AKT3: variants seen among roughly 807,000 people sequenced by gnomAD.
AKT3 encodes the protein AKT serine/threonine kinase 3, also known as RAC-gamma serine/threonine-protein kinase.
A neutral mutation model predicts 65.3 loss-of-function variants in AKT3; 15 were observed. The observed-to-expected ratio is 0.23, with a 90% CI of 0.15 to 0.35. AKT3 has a LOEUF of 0.35. Ranked by LOEUF, AKT3 falls within the 10% of genes least tolerant of loss-of-function variation. The pLI is 1.00. For missense variants in AKT3, 243 were observed against 576.5 expected (o/e 0.42, Z 5.92); for synonymous variants, 206 against 183.8 (o/e 1.12, Z -0.98).
chr1:243,622,820 A>C (rs1317313636), intron 6 of AKT3, among the ~76,000 whole-genome samples: 1 of 152,252 alleles, frequency 6.6e-6, no homozygotes, highest in East Asian at 1.9e-4. Context: ...ATATGAAAGA[A>C]GAGAACAAAG....
intron 2 of AKT3, among the ~76,000 whole-genome samples, chr1:243,707,860 C>A (rs1685902399): frequency 6.6e-6 from 1 of 152,060 alleles, no homozygotes; most frequent in African/African-American, 2.4e-5. Context: ...TGTATTTCAA[C>A]TTCTAGTATA....
Position 243,493,323 on chromosome 1 carries a change from G to A in AKT3, c.*7-4873C>T, listed in dbSNP as rs1042129549. 1.0e-3 allele frequency among the ~76,000 whole-genome samples: 152 copies of A among 152,166 alleles called. 1 individual carries two copies. Among genetic ancestry groups the A allele is most frequent in the Non-Finnish European group, 1.3e-4 (9 of 68,036 alleles). On this transcript the variant is annotated intron_variant, in intron 13 of 13. Coordinates refer to the AKT3 transcript ENST00000336199. ...AGCAGGGTCAGGGGTCTGCGGCCCA[G>A]AGCCTGGGGGCTCTAACATCTGGCT...
intron 2 of AKT3, among the ~76,000 whole-genome samples, chr1:243,721,170 C>T (rs1424800737): frequency 1.3e-5 from 2 of 152,138 alleles, no homozygotes; most frequent in Admixed American, 6.5e-5. Context: ...TTCCCCTCAC[C>T]TTTCTGTCTA....
intron 8 of AKT3, among the ~76,000 whole-genome samples, chr1:243,599,607 C>G (rs1321620518): frequency 1.3e-5 from 2 of 152,036 alleles, no homozygotes; most frequent in African/African-American, 4.8e-5. Context: ...AAAGCTACCA[C>G]CATAAGAACA....
At chr1:243,848,804 G>A (rs1695624339) in intron 1 of AKT3, among the ~76,000 whole-genome samples, 1 of 152,322 alleles carries the variant, frequency 6.6e-6, no homozygotes, top group Admixed American at 6.5e-5. Flanking sequence ...AGATGCATAG[G>A]TTTCACTGTT....
intron 12 of AKT3, among the ~76,000 whole-genome samples, chr1:243,516,758 C>T (rs900503492): frequency 6.6e-6 from 1 of 152,094 alleles, no homozygotes; most frequent in African/African-American, 2.4e-5. Context: ...CAGGTGCACA[C>T]CAGTATGCCC....
intron 2 of AKT3, among the ~76,000 whole-genome samples, chr1:243,779,846 T>C (rs939784668): frequency 7.2e-5 from 11 of 152,110 alleles, no homozygotes; most frequent in African/African-American, 2.7e-4. Context: ...GTCAAAAGAA[T>C]TTAAAAGCCG....
chr1:243,754,523 G>A (rs538259597), intron 2 of AKT3, among the ~76,000 whole-genome samples: 5 of 152,236 alleles, frequency 3.3e-5, no homozygotes, highest in East Asian at 1.9e-4. Context: ...CCCCTGGGCC[G>A]CGGATGGTGG....
intron 2 of AKT3, among the ~76,000 whole-genome samples, chr1:243,813,838 C>A (rs1389750178): frequency 6.6e-6 from 1 of 152,206 alleles, no homozygotes; most frequent in Admixed American, 6.5e-5. Flanking sequence ...GGCACAGTGA[C>A]TCACACCTGT....
At chr1:243,680,610 T>C (rs1335623328) in intron 3 of AKT3, among the ~76,000 whole-genome samples, 1 of 152,036 alleles carries the variant, frequency 6.6e-6, no homozygotes, top group Non-Finnish European at 1.5e-5. Context: ...AATAAAGATA[T>C]AGGGGTGAAA....
intron 8 of AKT3, among the ~76,000 whole-genome samples, chr1:243,584,890 T>TTAG (rs1198970521): frequency 6.6e-6 from 1 of 151,664 alleles, no homozygotes; most frequent in Non-Finnish European, 1.5e-5. Context: ...TAGTGGAGAG[T>TTAG]GCTAGCCAGA....
At chr1:243,499,052 C>CT (rs976533118), downstream of AKT3, among the ~76,000 whole-genome samples, 3 of 152,228 alleles carry the variant, frequency 2.0e-5, no homozygotes, top group African/African-American at 7.2e-5. Context: ...GCTTCTGACT[C>CT]TAGTTCCTGA....
At chr1:243,610,370 C>A (rs1049259467) in intron 8 of AKT3, among the ~76,000 whole-genome samples, 1 of 152,092 alleles carries the variant, frequency 6.6e-6, no homozygotes, top group African/African-American at 2.4e-5. Context: ...AGGGTTATAC[C>A]GTGAACAAGC....
intron 12 of AKT3, among the ~76,000 whole-genome samples, chr1:243,532,235 AGCTGAGGG>A (rs746842925): frequency 5.3e-5 from 8 of 152,200 alleles, no homozygotes; most frequent in Non-Finnish European, 1.2e-4. Context: ...ATATAATGTG[AGCTGAGGG>A]TTTTCCAAAC....
intron 8 of AKT3, among the ~76,000 whole-genome samples, chr1:243,600,676 C>CA: frequency 6.6e-6 from 1 of 152,012 alleles, no homozygotes; most frequent in Non-Finnish European, 1.5e-5. Context: ...GCTCATAGAC[C>CA]TAAATGCAAG....
At chr1:243,658,762 C>T (rs1020279611) in intron 4 of AKT3, among the ~76,000 whole-genome samples, 2 of 150,790 alleles carry the variant, frequency 1.3e-5, no homozygotes, top group Admixed American at 6.6e-5. Context: ...ATGTATTGGC[C>T]GGCAGTGTGG....
chr1:243,723,453 ATGTTCTCTAGAAAT>A (rs1687034668), intron 2 of AKT3, among the ~76,000 whole-genome samples: 1 of 152,212 alleles, frequency 6.6e-6, no homozygotes, highest in South Asian at 2.1e-4. Context: ...TGCAAGTTAA[ATGTTCTCTAGAAAT>A]TATAGATAAT....
chr1:243,573,917 A>G (rs1490123467), intron 8 of AKT3, among the ~76,000 whole-genome samples: 1 of 152,196 alleles, frequency 6.6e-6, no homozygotes, highest in Non-Finnish European at 1.5e-5. Flanking sequence ...ATACATGAAG[A>G]AAGAGCAGGT....
chr1:243,772,276 T>C (rs1217578433), intron 2 of AKT3, among the ~76,000 whole-genome samples: 1 of 152,020 alleles, frequency 6.6e-6, no homozygotes, highest in African/African-American at 2.4e-5. Context: ...GAGAAAATTT[T>C]TGCAATCTAC....
Sources: gnomAD v4.1 joint callset for allele counts (sites outside exome capture counted in the v4.1 genomes callset) on GRCh38, gnomAD v4.1.1 for gene constraint, MANE v1.5 for transcripts, NCBI Gene and HGNC (gene_info 2026-07-23, HGNC 2026-07-21) for gene names.